The following APBB1IP variants were observed in gnomAD, a reference collection of about 807,000 sequenced individuals.
APBB1IP encodes amyloid beta A4 precursor protein-binding family B member 1-interacting protein.
In APBB1IP, 27 loss-of-function variants were observed where a neutral mutation model predicts 64.9. The ratio of observed to expected loss-of-function variants is 0.42; its 90% CI spans 0.31 to 0.57. APBB1IP has a LOEUF of 0.57. Ranked by LOEUF, APBB1IP falls within the 20% of genes least tolerant of loss-of-function variation. The probability of loss-of-function intolerance (pLI) is 0.20; values close to 1 mark genes in which losing one functional copy is unlikely to be tolerated. For synonymous variants in APBB1IP, 392 were observed against 331.0 expected (o/e 1.18, Z -2.00); for missense variants, 812 against 845.5 (o/e 0.96, Z 0.49).
chr10:26,445,013 G>A (rs753966019), intron 2 of APBB1IP, among the ~76,000 whole-genome samples: 7 of 151,642 alleles, frequency 4.6e-5, no homozygotes, highest in East Asian at 1.9e-4. Context: ...CAGGAGAATC[G>A]CTTGAACCCA....
At chr10:26,448,788 C>T (rs971127161) in intron 2 of APBB1IP, among the ~76,000 whole-genome samples, 27 of 152,288 alleles carry the variant, frequency 1.8e-4, no homozygotes, top group Middle Eastern at 6.8e-3. Context: ...ATTATGGATT[C>T]TGCCTAAAAG....
At chr10:26,544,083 C>T (rs779335084) in intron 11 of APBB1IP, among the ~76,000 whole-genome samples, 9 of 152,202 alleles carry the variant, frequency 5.9e-5, no homozygotes, top group Non-Finnish European at 8.8e-5. Flanking sequence ...TCAGGCAGTG[C>T]GGCTCAGAGG....
Position 26,471,519 on chromosome 10 carries a change from A to G in APBB1IP, c.1-20808A>G, listed in dbSNP as rs573694353. Among the ~76,000 whole-genome samples, 6 of 152,324 alleles carry G rather than the reference A, an allele frequency of 3.9e-5. No homozygotes were observed. The South Asian group carries it at 1.2e-3, about 32-fold the overall frequency. ...GGAAAAGAATTAAAACTGGATTGTC[A>G]CTGAAAAATCATATGGTAGCTCAGA... On this transcript the variant is annotated intron_variant, in intron 2 of 14. Transcript: ENST00000376236.
At chr10:26,491,693 T>C (rs968538238) in intron 2 of APBB1IP, among the ~76,000 whole-genome samples, 1 of 151,666 alleles carries the variant, frequency 6.6e-6, no homozygotes, top group Non-Finnish European at 1.5e-5. Context: ...TTCAGAAATA[T>C]CTTTTGAAAG....
chr10:26,564,242 G>C (rs1837010737), intron 14 of APBB1IP, among the ~76,000 whole-genome samples: 1 of 151,774 alleles, frequency 6.6e-6, no homozygotes, highest in Admixed American at 6.6e-5. Context: ...TAAAACAGAG[G>C]GATTCAATCC....
At chr10:26,491,715 T>TGGGTAA (rs147608293) in intron 2 of APBB1IP, among the ~76,000 whole-genome samples, 23,358 of 151,124 alleles carry the variant, frequency 0.15, 1,921 homozygotes, top group Admixed American at 0.22. Context: ...AGGGAATTAT[T>TGGGTAA]GGGTAAATAT....
At chr10:26,503,322 G>A in intron 6 of APBB1IP, 48 bp downstream of exon 6, 2 of 1,583,958 alleles carry the variant, frequency 1.3e-6, no homozygotes, top group Non-Finnish European at 1.7e-6. Flanking sequence ...TTAAGGACCT[G>A]TGATTATGCT....
At chr10:26,516,565 A>G (rs1410295392) in intron 8 of APBB1IP, among the ~76,000 whole-genome samples, 1 of 149,332 alleles carries the variant, frequency 6.7e-6, no homozygotes, top group African/African-American at 2.5e-5. Flanking sequence ...AAAAAAAGTA[A>G]AGCGGAAAAG....
Position 26,551,382 on chromosome 10 carries a change from T to G in APBB1IP, c.1156-8723T>G, listed in dbSNP as rs117217945. ...GCAGTGGCTCAGGGGAGGGGCAACA[T>G]AGTCAGGGGAAACCATCCCCTTACC... On this transcript the variant is annotated intron_variant, in intron 11 of 14. Coordinates refer to ENST00000376236, the MANE Select transcript of APBB1IP (RefSeq NM_019043.4). Among the ~76,000 whole-genome samples, 942 of 152,246 alleles carry G rather than the reference T, an allele frequency of 6.2e-3. 18 individuals are homozygous for G. Among genetic ancestry groups the G allele is most frequent in the South Asian group, 0.056 (272 of 4,822 alleles).
chr10:26,545,855 T>G (rs1304855893), intron 11 of APBB1IP, among the ~76,000 whole-genome samples: 4 of 147,072 alleles, frequency 2.7e-5, no homozygotes, highest in Non-Finnish European at 4.4e-5. Flanking sequence ...GAGGCTGAGG[T>G]ACGAGAATCG....
intron 9 of APBB1IP, among the ~76,000 whole-genome samples, chr10:26,534,994 G>A (rs1339044158): frequency 6.6e-6 from 1 of 152,076 alleles, no homozygotes; most frequent in Non-Finnish European, 1.5e-5. Flanking sequence ...TGTACTTGGA[G>A]GATGCAAAAT....
chr10:26,527,893 T>C (rs914924615), intron 8 of APBB1IP, among the ~76,000 whole-genome samples: 2 of 152,040 alleles, frequency 1.3e-5, no homozygotes, highest in African/African-American at 2.4e-5. Context: ...GGTTTCACCA[T>C]CTTGGCCAGG....
chr10:26,479,507 G>A (rs1835811982), intron 2 of APBB1IP, among the ~76,000 whole-genome samples: 1 of 151,910 alleles, frequency 6.6e-6, no homozygotes, highest in Non-Finnish European at 1.5e-5. Context: ...GGACTTAACT[G>A]TGATACTTTA....
chr10:26,467,390 T>C (rs1835661839), intron 2 of APBB1IP, among the ~76,000 whole-genome samples: 1 of 152,128 alleles, frequency 6.6e-6, no homozygotes, highest in Non-Finnish European at 1.5e-5. Flanking sequence ...TGTAGAGCAG[T>C]GGTTCTCAAA....
At chr10:26,475,543 G>T (rs901798180) in intron 2 of APBB1IP, among the ~76,000 whole-genome samples, 22 of 152,140 alleles carry the variant, frequency 1.4e-4, no homozygotes, top group Middle Eastern at 3.2e-3. Flanking sequence ...TGTCTATATG[G>T]CTTATTTTCT....
intron 2 of APBB1IP, among the ~76,000 whole-genome samples, chr10:26,457,818 A>G (rs1835544838): frequency 6.6e-6 from 1 of 152,244 alleles, no homozygotes; most frequent in Non-Finnish European, 1.5e-5. Flanking sequence ...TATAGAGATT[A>G]GATAACAGGA....
At chr10:26,500,775 A>C in intron 4 of APBB1IP, 44 bp from the exon 5 acceptor site, 1 of 1,539,758 alleles carries the variant, frequency 6.5e-7, no homozygotes, top group Non-Finnish European at 8.8e-7. Context: ...GTTTTTCCAG[A>C]TGCAAATAGG....
chr10:26,532,709 C>G (rs535027490), intron 8 of APBB1IP, among the ~76,000 whole-genome samples: 14 of 152,188 alleles, frequency 9.2e-5, no homozygotes, highest in Admixed American at 2.0e-4. Flanking sequence ...AGGCTGGTCT[C>G]AGACTCCAGG....
In APBB1IP at chr10:26,524,974, T is replaced by TTTTA. The variant is rs1554778195; in HGVS notation, c.814-8465_814-8464insTTTA. Among the ~76,000 whole-genome samples, 35 of 126,760 alleles carry TTTTA rather than the reference T, an allele frequency of 2.8e-4. 1 individual carries two copies. In the South Asian group the frequency reaches 4.7e-3, roughly 17 times the overall value. The allele number at this position is 126,760 out of a possible 152,430, so 83.2% of individuals were successfully genotyped here. On this transcript the variant is annotated intron_variant, in intron 8 of 14. Transcript: ENST00000376236. ...TTCTTTCTTTTTTTTTTTTTTTTTTTATAAAAAAAGGAATCCTGGCAAGAG... is the reference window on the plus strand; with the variant it reads ...TTCTTTCTTTTTTTTTTTTTTTTTTTTTTAATAAAAAAAGGAATCCTGGCAAGAG...
Sources: allele counts gnomAD v4.1 joint callset (sites outside exome capture counted in the v4.1 genomes callset), GRCh38; gene constraint gnomAD v4.1.1; transcripts MANE v1.5; gene names NCBI Gene and HGNC (gene_info 2026-07-23, HGNC 2026-07-21).